Variants in EMC3 observed in about 807,000 individuals in gnomAD.
EMC3 encodes the protein 30 kDa protein.
EMC3 carries 13 observed loss-of-function variants against 36.6 expected under a neutral mutation model. That is an observed-to-expected ratio of 0.35 (90% CI 0.23 to 0.56). The LOEUF is 0.56. Among genes scored for constraint, EMC3 ranks in the 20% least tolerant of loss-of-function variants. The pLI is 0.84. For missense variants in EMC3, 220 were observed against 324.5 expected, an observed-to-expected ratio of 0.68 and a Z score of 2.47; for synonymous variants, 120 against 111.9, an observed-to-expected ratio of 1.07 and a Z score of -0.46.
At chr3:9,967,874 T>C (rs537924515) in intron 7 of EMC3, among the ~76,000 whole-genome samples, 60 of 152,374 alleles carry the variant, frequency 3.9e-4, no homozygotes, top group Non-Finnish European at 5.3e-4. Flanking sequence ...TTAATTTCTT[T>C]CAGCAATGTT....
At chr3:9,997,186 C>T (rs2086136225) in intron 1 of EMC3, among the ~76,000 whole-genome samples, 1 of 151,736 alleles carries the variant, frequency 6.6e-6, no homozygotes, top group African/African-American at 2.4e-5. Flanking sequence ...AATATGTATC[C>T]TTGTGTCTTG....
At chr3:9,977,961 T>C (rs1361113878) in intron 1 of EMC3, among the ~76,000 whole-genome samples, 1 of 151,612 alleles carries the variant, frequency 6.6e-6, no homozygotes, top group Non-Finnish European at 1.5e-5. Context: ...ATTGAATAAA[T>C]AAATGAAATT....
chr3:9,974,857 G>GTTTTTTT (rs71307728), intron 3 of EMC3, among the ~76,000 whole-genome samples: 3 of 63,428 alleles, frequency 4.7e-5, no homozygotes, highest in South Asian at 5.7e-4. Context: ...CGCACCCAGC[G>GTTTTTTT]TTTTTTTTTT....
intron 1 of EMC3, among the ~76,000 whole-genome samples, chr3:9,979,771 G>A (rs765118816): frequency 2.0e-5 from 3 of 152,188 alleles, no homozygotes. Flanking sequence ...GGAAAGTCAA[G>A]GTCTGAGAGT....
intron 1 of EMC3, among the ~76,000 whole-genome samples, chr3:9,979,055 G>A (rs1017968263): frequency 6.6e-5 from 10 of 152,118 alleles, no homozygotes; most frequent in African/African-American, 2.4e-4. Flanking sequence ...TCTCCACGAA[G>A]CTTTTCCCAA....
At chr3:9,983,457 C>T (rs1320062239) in intron 1 of EMC3, among the ~76,000 whole-genome samples, 1 of 152,048 alleles carries the variant, frequency 6.6e-6, no homozygotes, top group Admixed American at 6.6e-5. Flanking sequence ...TGTTACATTC[C>T]TTCTTAAGGA....
Position 9,986,395 on chromosome 3 carries a change from C to T in EMC3, c.155+112G>A, listed in dbSNP as rs2085972382. ...GAAACACAGAGGTAACGGGTAAGGT[C>T]ACCCTGTCAGAGGGGGCGCGACGTG... On this transcript the variant is annotated intron_variant, in intron 1 of 7. Transcript: ENST00000245046. 6.3e-6 allele frequency: 8 copies of T among 1,263,610 alleles called. No individual in the cohort carries two copies. The East Asian group carries it at 1.6e-4, about 26-fold the overall frequency. The allele number at this position is 1,263,610 out of a possible 1,614,324, so 78.3% of individuals were successfully genotyped here. A position where few individuals can be genotyped will look rare whatever the true frequency, so the allele number is the denominator to read the frequency against.
At chr3:9,979,873 CGTAGAA>C (rs2085890473) in intron 1 of EMC3, among the ~76,000 whole-genome samples, 1 of 151,996 alleles carries the variant, frequency 6.6e-6, no homozygotes, top group South Asian at 2.1e-4. Flanking sequence ...GCAAAAGCCT[CGTAGAA>C]GTAAACACTC....
chr3:9,982,391 T>C (rs1054069959), intron 1 of EMC3, among the ~76,000 whole-genome samples: 1 of 151,940 alleles, frequency 6.6e-6, no homozygotes, highest in Non-Finnish European at 1.5e-5. Flanking sequence ...GTAGCTGGGA[T>C]TACAGGCGCG....
At chr3:9,989,324 G>C (rs1222337464), upstream of EMC3, among the ~76,000 whole-genome samples, 1 of 152,198 alleles carries the variant, frequency 6.6e-6, no homozygotes, top group African/African-American at 2.4e-5. Context: ...GCTGAGGCAG[G>C]CGGATCATCT....
chr3:10,006,449 T>G (rs756828439), intron 1 of EMC3: 2 of 152,434 alleles, frequency 1.3e-5, no homozygotes, highest in African/African-American at 2.4e-5. Context: ...TTTATTGTAT[T>G]GCTTCAATTG....
intron 3 of EMC3, among the ~76,000 whole-genome samples, chr3:9,976,391 G>A (rs762522265): frequency 1.1e-4 from 16 of 152,288 alleles, no homozygotes; most frequent in Admixed American, 2.0e-4. Flanking sequence ...TTATAGGCGT[G>A]AGCCACCACA....
At chr3:10,004,236 G>A (rs1324517580) in intron 1 of EMC3, 1 of 152,126 alleles carries the variant, frequency 6.6e-6, no homozygotes, top group African/African-American at 2.4e-5. Context: ...TAGACCCCAG[G>A]GAGCAGACCA....
At chr3:10,003,409 A>C (rs2086227972) in intron 1 of EMC3, 1 of 361,188 alleles carries the variant, frequency 2.8e-6, no homozygotes. Context: ...GCTGAAGACA[A>C]AAATCAAGTT....
chr3:9,979,717 T>C (rs1471602166), intron 1 of EMC3, among the ~76,000 whole-genome samples: 1 of 152,096 alleles, frequency 6.6e-6, no homozygotes, highest in Non-Finnish European at 1.5e-5. Context: ...TAGAGAGAGA[T>C]GGATGGTATT....
chr3:9,964,178 T>G lies in EMC3; in HGVS notation c.677A>C (p.Glu226Ala). The change falls in exon 8 of 8, where the codon GAG (glutamate) becomes GCG (alanine). Residue 226 changes from glutamate to alanine, a missense_variant. By Grantham distance (107) the Glu-to-Ala change is moderately radical. Coordinates refer to ENST00000245046, the MANE Select transcript of EMC3 (RefSeq NM_001394674.1). ...KAFKTEWEAL[E>A]LTDHQWALDD... ...TAGTGCCCACTGGTGATCCGTCAGC[T>G]CCAAAGCTTCCCACTCTGTCTGTAA... 6.2e-7 allele frequency: 1 copy of G among 1,614,118 alleles called. No homozygotes were observed. Among genetic ancestry groups the G allele is most frequent in the Non-Finnish European group, 8.5e-7 (1 of 1,180,020 alleles).
intron 5 of EMC3, among the ~76,000 whole-genome samples, chr3:9,971,823 C>T (rs1361453141): frequency 1.3e-5 from 2 of 152,166 alleles, no homozygotes; most frequent in Non-Finnish European, 2.9e-5. Context: ...TCTGCTCAAA[C>T]CAAGTAGTCA....
At chr3:9,986,486 T>G (rs1372256573) in intron 1 of EMC3, 21 bp downstream of exon 1, 1 of 1,612,142 alleles carries the variant, frequency 6.2e-7, no homozygotes, top group African/African-American at 1.3e-5. Flanking sequence ...TGAGGTAGGC[T>G]GGAGAAGGGA....
intron 1 of EMC3, among the ~76,000 whole-genome samples, chr3:9,984,947 G>T (rs1423421886): frequency 1.3e-5 from 2 of 152,304 alleles, no homozygotes; most frequent in African/African-American, 4.8e-5. Flanking sequence ...ACCTCATAGA[G>T]TTGCTTTGAA....
Sources: gnomAD v4.1 joint callset for allele counts (sites outside exome capture counted in the v4.1 genomes callset) on GRCh38, gnomAD v4.1.1 for gene constraint, MANE v1.5 for transcripts, NCBI Gene and HGNC (gene_info 2026-07-23, HGNC 2026-07-21) for gene names.